Variants in REDIC1 observed in about 807,000 individuals in gnomAD.
REDIC1 encodes the protein regulator of DNA class I crossover intermediates 1.
chr12:39,734,135 C>A, the REDIC1 span, among the ~76,000 whole-genome samples: 1 of 152,192 alleles, frequency 6.6e-6, no homozygotes, highest in South Asian at 2.1e-4. Context: ...TGCACAGTCC[C>A]TCACAGCTTC....
At chr12:39,882,496 G>T in the REDIC1 span, among the ~76,000 whole-genome samples, 2 of 152,056 alleles carry the variant, frequency 1.3e-5, no homozygotes, top group African/African-American at 2.4e-5. Context: ...AGCTGAAAGG[G>T]TCTCGAGAAA....
chr12:39,896,158 G>T, the REDIC1 span, among the ~76,000 whole-genome samples: 4 of 147,070 alleles, frequency 2.7e-5, no homozygotes, highest in Non-Finnish European at 6.0e-5. Flanking sequence ...ATGTATACAC[G>T]TGTATACATA....
At chr12:39,812,996 A>ATTTTTTTTT in the REDIC1 span, among the ~76,000 whole-genome samples, 169 of 40,612 alleles carry the variant, frequency 4.2e-3, 64 homozygotes, top group African/African-American at 6.8e-3. Flanking sequence ...TGCCCAGCTA[A>ATTTTTTTTT]TTTTTTTTTT....
chr12:39,775,294 G>A, the REDIC1 span, among the ~76,000 whole-genome samples: 1 of 152,224 alleles, frequency 6.6e-6, no homozygotes, highest in Non-Finnish European at 1.5e-5. Context: ...TGAAAATGAA[G>A]TCTTAGGTAA....
chr12:39,802,994 G>A, the REDIC1 span, among the ~76,000 whole-genome samples: 1 of 152,128 alleles, frequency 6.6e-6, no homozygotes, highest in African/African-American at 2.4e-5. Context: ...CTCACTAGAG[G>A]TATCTTCCAT....
At chr12:39,896,478 A>ACATG in the REDIC1 span, among the ~76,000 whole-genome samples, 1 of 138,308 alleles carries the variant, frequency 7.2e-6, no homozygotes, top group African/African-American at 2.8e-5. Context: ...ATATATGTAT[A>ACATG]TGTGTATATA....
the REDIC1 span, among the ~76,000 whole-genome samples, chr12:39,889,789 C>A: frequency 8.5e-5 from 13 of 152,164 alleles, no homozygotes; most frequent in African/African-American, 3.1e-4. Context: ...CTTGGCCTCC[C>A]AAAGTGTTGG....
At chr12:39,903,343 G>T in the REDIC1 span, among the ~76,000 whole-genome samples, 5 of 152,070 alleles carry the variant, frequency 3.3e-5, no homozygotes, top group East Asian at 3.9e-4. Flanking sequence ...TTTTCCAAAA[G>T]GTGTACAAAC....
the REDIC1 span, among the ~76,000 whole-genome samples, chr12:39,896,416 GTATA>G: frequency 6.9e-5 from 8 of 115,500 alleles, no homozygotes; most frequent in African/African-American, 2.9e-4. Flanking sequence ...ATATATGTAT[GTATA>G]TGTGTATATA....
At chr12:39,877,988 C>T in the REDIC1 span, among the ~76,000 whole-genome samples, 1 of 152,132 alleles carries the variant, frequency 6.6e-6, no homozygotes, top group Non-Finnish European at 1.5e-5. Context: ...CCTCCCCTGA[C>T]CCACTCTCCT....
At chr12:39,828,718 T>A in the REDIC1 span, among the ~76,000 whole-genome samples, 1 of 152,048 alleles carries the variant, frequency 6.6e-6, no homozygotes, top group African/African-American at 2.4e-5. Context: ...CTTAGTTTTT[T>A]TTTTTTCCTA....
At chr12:39,662,082 T>C in the REDIC1 span, among the ~76,000 whole-genome samples, 2 of 152,170 alleles carry the variant, frequency 1.3e-5, no homozygotes, top group East Asian at 3.8e-4. Flanking sequence ...GGTAGTGTGA[T>C]GCCTCCACCT....
chr12:39,824,683 T>G, the REDIC1 span, among the ~76,000 whole-genome samples: 12 of 152,240 alleles, frequency 7.9e-5, no homozygotes, highest in African/African-American at 2.4e-4. Flanking sequence ...TGTGAGGTGT[T>G]CCAGTAGGAC....
chr12:39,778,684 C>T, the REDIC1 span, among the ~76,000 whole-genome samples: 8 of 152,092 alleles, frequency 5.3e-5, no homozygotes, highest in African/African-American at 1.4e-4. Context: ...ATTGTCTTTT[C>T]GTCATTCATT....
chr12:39,779,629 C>A, the REDIC1 span, among the ~76,000 whole-genome samples: 2 of 152,310 alleles, frequency 1.3e-5, no homozygotes, highest in South Asian at 4.2e-4. Flanking sequence ...ACAACAATTT[C>A]TTCACTACAT....
the REDIC1 span, among the ~76,000 whole-genome samples, chr12:39,719,324 CA>C: frequency 6.6e-6 from 1 of 151,966 alleles, no homozygotes; most frequent in African/African-American, 2.4e-5. Flanking sequence ...TATTTATGAA[CA>C]AAGATAAGAA....
chr12:39,686,842 T>C, the REDIC1 span, among the ~76,000 whole-genome samples: 15 of 152,244 alleles, frequency 9.9e-5, no homozygotes, highest in Non-Finnish European at 1.9e-4. Context: ...GTGGTTCTTA[T>C]GAAGCAGCTG....
the REDIC1 span, among the ~76,000 whole-genome samples, chr12:39,706,505 C>A: frequency 3.3e-5 from 5 of 151,892 alleles, no homozygotes; most frequent in African/African-American, 9.7e-5. Context: ...CTAAGTTATC[C>A]TAAGCAAAAC....
At chr12:39,864,219 T>G in the REDIC1 span, among the ~76,000 whole-genome samples, 4 of 152,260 alleles carry the variant, frequency 2.6e-5, no homozygotes, top group African/African-American at 7.2e-5. Context: ...GGCCTGCAGC[T>G]AGCCATTAGA....
Sources: allele counts gnomAD v4.1 joint callset (sites outside exome capture counted in the v4.1 genomes callset), GRCh38; gene constraint gnomAD v4.1.1; transcripts MANE v1.5; gene names NCBI Gene and HGNC (gene_info 2026-07-23, HGNC 2026-07-21).